The following EMG1 variants were observed in gnomAD, a reference collection of about 807,000 sequenced individuals.
EMG1 encodes the protein EMG1 N1-specific pseudouridine methyltransferase, also known as ribosomal RNA small subunit methyltransferase NEP1.
EMG1 carries 24 observed loss-of-function variants against 26.9 expected under a neutral mutation model. The observed-to-expected ratio is 0.89, with a 90% confidence interval of 0.65 to 1.26. The LOEUF is 1.26. Ranked by LOEUF, EMG1 falls within the 50% of genes most tolerant of loss-of-function variation. The pLI, the probability that EMG1 is intolerant of heterozygous loss-of-function variation, is 0.00. For synonymous variants in EMG1, 140 were observed against 112.6 expected (o/e 1.24, Z -1.54); for missense variants, 299 against 307.6 (o/e 0.97, Z 0.21).
At chr12:6,982,800 G>T (rs781841836), downstream of EMG1, 2 of 1,557,406 alleles carry the variant, frequency 1.3e-6, no homozygotes, top group South Asian at 1.1e-5. Flanking sequence ...CAAGAAGAGA[G>T]AATTTAGCCT....
At chr12:6,993,765 A>G (rs1946609821) in intron 7 of EMG1, among the ~76,000 whole-genome samples, 1 of 152,084 alleles carries the variant, frequency 6.6e-6, no homozygotes, top group Admixed American at 6.5e-5. Context: ...GATACTCTGC[A>G]TTCTTTTTTT....
chr12:6,979,657 G>C lies in EMG1; in HGVS notation c.*3848G>C, dbSNP rs1006231102. On this transcript the variant is annotated 3_prime_UTR_variant, in exon 6 of 6. Transcript: ENST00000599672. ...TCACCCTCTGACCTTCAGTTATGGAGAGGAGTGTTTAGGGGTGTGGTTGTC... is the reference window on the plus strand; with the variant it reads ...TCACCCTCTGACCTTCAGTTATGGACAGGAGTGTTTAGGGGTGTGGTTGTC... 43 of 1,014,876 alleles carry C rather than the reference G, an allele frequency of 4.2e-5. No homozygotes were observed. Among genetic ancestry groups the C allele is most frequent in the Middle Eastern group, 2.0e-4 (1 of 5,012 alleles). 62.9% of individuals were successfully genotyped at this position (1,014,876 alleles called of 1,614,324 possible). A position where few individuals can be genotyped will look rare whatever the true frequency, so the allele number is the denominator to read the frequency against.
chr12:6,979,312 T>A lies in EMG1; in HGVS notation c.*3503T>A. The stretch of plus-strand genomic sequence containing the variant: ...TGTTCAGTGCTGGCTGATGAACATG[T>A]CCCAGCACGGCTGGCATTGACAACT... On this transcript the variant is annotated 3_prime_UTR_variant, in exon 6 of 6. Coordinates refer to ENST00000599672, the MANE Select transcript of EMG1 (RefSeq NM_006331.8). 1.6e-6 allele frequency: 1 copy of A among 634,376 alleles called. No individual in the cohort carries two copies. The highest frequency in any genetic ancestry group is 2.8e-6 in the Non-Finnish European group (1 of 355,372). 39.3% of individuals were successfully genotyped at this position (634,376 alleles called of 1,614,324 possible).
chr12:6,978,041 G>A lies in EMG1; in HGVS notation c.*2232G>A. 1.8e-6 allele frequency: 1 copy of A among 560,112 alleles called. No individual in the cohort carries two copies. Among genetic ancestry groups the A allele is most frequent in the Non-Finnish European group, 3.2e-6 (1 of 314,826 alleles). The allele number at this position is 560,112 out of a possible 1,614,324, so 34.7% of individuals were successfully genotyped here. A position where few individuals can be genotyped will look rare whatever the true frequency, so the allele number is the denominator to read the frequency against. On this transcript the variant is annotated 3_prime_UTR_variant, in exon 6 of 6. Coordinates refer to ENST00000599672, the MANE Select transcript of EMG1 (RefSeq NM_006331.8). ...TACTCAAGCTGCCCACACTCTAGTGGTGGGGACAAACAAGTAAAGCTGTTG... is the reference window on the plus strand; with the variant it reads ...TACTCAAGCTGCCCACACTCTAGTGATGGGGACAAACAAGTAAAGCTGTTG...
Position 6,975,139 on chromosome 12 carries a change from G to A in EMG1, c.462G>A (p.Lys154=). The part of the protein sequence containing the change: ...LSVRAADGPQ[K]LLKVIKNPVS... The stretch of plus-strand genomic sequence containing the variant: ...TTCGAGCAGCTGATGGCCCCCAGAA[G>A]CTTTTGAAGGTGAGGTATTGAAACC... The change falls in exon 4 of 6, where the codon AAG becomes AAA. Residue 154 remains lysine (K), a synonymous_variant. Transcript: ENST00000599672. The A allele has an allele frequency of 6.2e-7, 1 of 1,614,046 alleles. No individual in the cohort carries two copies.
downstream of EMG1, among the ~76,000 whole-genome samples, chr12:6,988,734 C>A (rs1174052414): frequency 6.6e-6 from 1 of 152,166 alleles, no homozygotes; most frequent in Non-Finnish European, 1.5e-5. Context: ...ATGCAGGCCG[C>A]AGTGCTCAGT....
At chr12:6,992,631 T>C (rs1396157794), downstream of EMG1, among the ~76,000 whole-genome samples, 1 of 152,246 alleles carries the variant, frequency 6.6e-6, no homozygotes, top group Non-Finnish European at 1.5e-5. Flanking sequence ...CATGCTGATA[T>C]GGAATGATTT....
At chr12:6,983,981 A>G (rs782762543), downstream of EMG1, among the ~76,000 whole-genome samples, 3 of 152,236 alleles carry the variant, frequency 2.0e-5, no homozygotes, top group Admixed American at 2.0e-4. Flanking sequence ...CGTCTCTATT[A>G]AAAAACAAGA....
In EMG1 at chr12:6,978,751, C is replaced by CTCT; in HGVS notation, c.*2945_*2947dup. ...CATGACTAGGCAGTTTCTCTCAGCA[C>CTCT]TCTTCCTTTTCACACTTGTGGCTGG... On this transcript the variant is annotated 3_prime_UTR_variant, in exon 6 of 6. Coordinates refer to ENST00000599672, the MANE Select transcript of EMG1 (RefSeq NM_006331.8). The CTCT allele has an allele frequency of 6.3e-7, 1 of 1,594,580 alleles. No individual in the cohort carries two copies.
At chr12:6,991,972 A>C (rs1946593861), downstream of EMG1, among the ~76,000 whole-genome samples, 5 of 152,088 alleles carry the variant, frequency 3.3e-5, no homozygotes, top group South Asian at 1.0e-3. Flanking sequence ...CGGGTAGATC[A>C]CTTTAGGTCA....
At chr12:6,995,457 G>C (rs1946628390) in intron 7 of EMG1, among the ~76,000 whole-genome samples, 4 of 150,262 alleles carry the variant, frequency 2.7e-5, no homozygotes, top group Admixed American at 2.7e-4. Context: ...CTGGGCAACA[G>C]AGCCAGACTC....
chr12:6,979,695 G>GA lies in EMG1; in HGVS notation c.*3887dup. On this transcript the variant is annotated 3_prime_UTR_variant, in exon 6 of 6. Transcript: ENST00000599672. ...GGGTGTGGTTGTCTACCTGGAATGG[G>GA]ATGAGAAGCTCTGCTGCCCAAAGTG... 1 of 702,834 alleles carries GA rather than the reference G, an allele frequency of 1.4e-6. No individual in the cohort carries two copies. The highest frequency in any genetic ancestry group is 2.5e-6 in the Non-Finnish European group (1 of 397,808). 43.5% of individuals were successfully genotyped at this position (702,834 alleles called of 1,614,324 possible). A position where few individuals can be genotyped will look rare whatever the true frequency, so the allele number is the denominator to read the frequency against.
chr12:6,975,714 GAGA>G lies in EMG1; in HGVS notation c.644_646del (p.Lys215del), dbSNP rs1555153070. 2 of 1,611,452 alleles carry G rather than the reference GAGA, an allele frequency of 1.2e-6. No individual in the cohort carries two copies. Among genetic ancestry groups the G allele is most frequent in the Non-Finnish European group, 8.5e-7 (1 of 1,177,520 alleles). ...TTCTTAGGTCAGTGTGGAGTATACA[GAGA>G]AGATGGTGTCCATCAGTAACTACCC... On this transcript the variant is annotated inframe_deletion, in exon 6 of 6. Transcript: ENST00000599672.
rs1555152927 is a variant in EMG1 at position 6,975,163 on chromosome 12, C to T, written c.471+15C>T. 2 of 1,613,870 alleles carry T rather than the reference C, an allele frequency of 1.2e-6. No homozygotes were observed. Among genetic ancestry groups the T allele is most frequent in the Non-Finnish European group, 1.7e-6 (2 of 1,179,876 alleles). On this transcript the variant is annotated intron_variant, in intron 4 of 5. Coordinates refer to ENST00000599672, the MANE Select transcript of EMG1 (RefSeq NM_006331.8). ...AGCTTTTGAAGGTGAGGTATTGAAA[C>T]CTGTTAGTTGAAGGCTGGTTCTGGG...
Position 6,977,858 on chromosome 12 carries a change from G to T in EMG1, c.*2049G>T. 1 of 1,273,564 alleles carries T rather than the reference G, an allele frequency of 7.9e-7. No individual in the cohort carries two copies. Among genetic ancestry groups the T allele is most frequent in the Non-Finnish European group, 1.1e-6 (1 of 891,034 alleles). 78.9% of individuals were successfully genotyped at this position (1,273,564 alleles called of 1,614,324 possible). A position where few individuals can be genotyped will look rare whatever the true frequency, so the allele number is the denominator to read the frequency against. ...GATTGGAGTGCTGGTGGGTTCCCAC[G>T]TGTAGCCCCCAGAGGGTACAGGAGG... On this transcript the variant is annotated 3_prime_UTR_variant, in exon 6 of 6. Transcript: ENST00000599672. This position sits in a 1 kb window ranked among gnomAD's most constrained non-coding sequence, Gnocchi z 4.5.
chr12:6,991,630 T>G (rs1271462600), downstream of EMG1, among the ~76,000 whole-genome samples: 1 of 152,226 alleles, frequency 6.6e-6, no homozygotes, highest in Non-Finnish European at 1.5e-5. Context: ...ATTTTATCAC[T>G]GGCTACAAAT....
downstream of EMG1, chr12:6,981,754 T>C: frequency 2.7e-6 from 4 of 1,498,352 alleles, no homozygotes; most frequent in Non-Finnish European, 2.8e-6. Context: ...AGGAAGTTTT[T>C]AGTGAGATGG....
chr12:6,979,869 A>C lies in EMG1; in HGVS notation c.*4060A>C, dbSNP rs1383544029. On this transcript the variant is annotated 3_prime_UTR_variant, in exon 6 of 6. Transcript: ENST00000599672. ...ATGCTACTGATCTCAAGGTCTTGCCAGGTCTCACAATCTCCATTGGGACTG... is the reference window on the plus strand; with the variant it reads ...ATGCTACTGATCTCAAGGTCTTGCCCGGTCTCACAATCTCCATTGGGACTG... The C allele has an allele frequency of 8.1e-6, 3 of 369,134 alleles. No homozygotes were observed. 22.9% of individuals were successfully genotyped at this position (369,134 alleles called of 1,614,324 possible). A position where few individuals can be genotyped will look rare whatever the true frequency, so the allele number is the denominator to read the frequency against.
Position 6,978,855 on chromosome 12 carries a change from G to T in EMG1, c.*3046G>T. The T allele has an allele frequency of 2.2e-6, 2 of 906,736 alleles. No individual in the cohort carries two copies. The highest frequency in any genetic ancestry group is 3.3e-6 in the Non-Finnish European group (2 of 613,606). 56.2% of individuals were successfully genotyped at this position (906,736 alleles called of 1,614,324 possible). ...GATTGCCTTCACAATAGGCAGAGAG[G>T]AATAAGCAGAGGGCCTGGAGAATAT... On this transcript the variant is annotated 3_prime_UTR_variant, in exon 6 of 6. Coordinates refer to ENST00000599672, the MANE Select transcript of EMG1 (RefSeq NM_006331.8).
Sources: allele counts gnomAD v4.1 joint callset (sites outside exome capture counted in the v4.1 genomes callset), GRCh38; gene constraint gnomAD v4.1.1; non-coding constraint Gnocchi (gnomAD v3.1); transcripts MANE v1.5; gene names NCBI Gene and HGNC (gene_info 2026-07-23, HGNC 2026-07-21).